The following AQP7B variants were observed in gnomAD, a reference collection of about 807,000 sequenced individuals.
AQP7B encodes putative aquaporin-7B.
At chr2:94,592,117 C>T in the AQP7B span, among the ~76,000 whole-genome samples, 3 of 152,128 alleles carry the variant, frequency 2.0e-5, no homozygotes, top group African/African-American at 7.2e-5. Context: ...CCAGGACTCT[C>T]TTGGTGTTCT....
chr2:94,604,335 G>A, the AQP7B span: 10 of 1,610,682 alleles, frequency 6.2e-6, no homozygotes, highest in Admixed American at 5.0e-5. Flanking sequence ...CCACTTCTGG[G>A]TGCCTCTCTA....
At chr2:94,593,561 C>T in the AQP7B span, among the ~76,000 whole-genome samples, 2 of 149,674 alleles carry the variant, frequency 1.3e-5, no homozygotes, top group African/African-American at 4.9e-5. Context: ...TCTCGGCTCA[C>T]TGCAACCTCC....
chr2:94,597,898 C>T, the AQP7B span, among the ~76,000 whole-genome samples: 6 of 152,130 alleles, frequency 3.9e-5, no homozygotes, highest in African/African-American at 1.4e-4. Flanking sequence ...AGTCACCGTG[C>T]CCAGCCCAAT....
the AQP7B span, among the ~76,000 whole-genome samples, chr2:94,589,358 G>A: frequency 1.3e-5 from 2 of 151,968 alleles, no homozygotes; most frequent in Non-Finnish European, 1.5e-5. Flanking sequence ...GTCCTCTGGT[G>A]ACTATTCCCT....
the AQP7B span, among the ~76,000 whole-genome samples, chr2:94,596,672 AT>A: frequency 6.6e-6 from 1 of 152,122 alleles, no homozygotes; most frequent in Non-Finnish European, 1.5e-5. Flanking sequence ...CTGTGCGACT[AT>A]CCACAAGTAT....
chr2:94,591,708 G>T, the AQP7B span, among the ~76,000 whole-genome samples: 1 of 152,122 alleles, frequency 6.6e-6, no homozygotes. Context: ...CTGCACATTG[G>T]ATACTGCCTT....
the AQP7B span, among the ~76,000 whole-genome samples, chr2:94,599,034 C>T: frequency 1.3e-5 from 2 of 152,148 alleles, no homozygotes; most frequent in African/African-American, 4.8e-5. Flanking sequence ...GAACTCCTGA[C>T]CTCATGATTG....
chr2:94,598,642 G>T, the AQP7B span, among the ~76,000 whole-genome samples: 1 of 152,168 alleles, frequency 6.6e-6, no homozygotes, highest in Admixed American at 6.5e-5. Context: ...GGCCAGTGTT[G>T]CCTGAGCTGC....
At chr2:94,598,484 GC>G in the AQP7B span, among the ~76,000 whole-genome samples, 2 of 152,292 alleles carry the variant, frequency 1.3e-5, no homozygotes, top group South Asian at 4.1e-4. Flanking sequence ...GAGACACGGG[GC>G]AAGGGTTGTA....
the AQP7B span, among the ~76,000 whole-genome samples, chr2:94,595,597 G>A: frequency 6.6e-6 from 1 of 152,094 alleles, no homozygotes; most frequent in African/African-American, 2.4e-5. Context: ...GGTGCAGTGT[G>A]GAGCATAAGC....
At chr2:94,602,560 C>G in the AQP7B span, 1 of 1,604,406 alleles carries the variant, frequency 6.2e-7, no homozygotes, top group South Asian at 1.1e-5. Flanking sequence ...TTGGTGTCAA[C>G]TTGGGTTTTG....
chr2:94,602,611 C>G, the AQP7B span: 8 of 1,594,514 alleles, frequency 5.0e-6, 1 homozygote, highest in South Asian at 7.7e-5. Flanking sequence ...CAGGCCGCAT[C>G]TCTGGTGAGT....
At chr2:94,599,237 C>T in the AQP7B span, among the ~76,000 whole-genome samples, 3 of 152,080 alleles carry the variant, frequency 2.0e-5, no homozygotes, top group Non-Finnish European at 4.4e-5. Flanking sequence ...CCTGTCCTGA[C>T]CTCACTCCCC....
chr2:94,600,666 T>C, the AQP7B span, among the ~76,000 whole-genome samples: 10 of 152,152 alleles, frequency 6.6e-5, no homozygotes, highest in Non-Finnish European at 1.2e-4. Flanking sequence ...TCATATGAGG[T>C]CAGGTGTTTG....
At chr2:94,602,364 A>T in the AQP7B span, 1 of 950,410 alleles carries the variant, frequency 1.1e-6, no homozygotes, top group African/African-American at 1.7e-5. Context: ...AGGGCGTGGC[A>T]GAGGGTCTTC....
chr2:94,590,107 A>G, the AQP7B span, among the ~76,000 whole-genome samples: 36 of 152,174 alleles, frequency 2.4e-4, no homozygotes, highest in African/African-American at 8.4e-4. Context: ...CTTCTATTAA[A>G]CAGAGTGACC....
the AQP7B span, among the ~76,000 whole-genome samples, chr2:94,591,286 C>A: frequency 1.3e-5 from 2 of 152,152 alleles, no homozygotes; most frequent in Non-Finnish European, 2.9e-5. Context: ...GCCTCCTTGT[C>A]CATTCTCCCA....
chr2:94,601,672 C>G, the AQP7B span, among the ~76,000 whole-genome samples: 188 of 152,164 alleles, frequency 1.2e-3, no homozygotes, highest in African/African-American at 4.1e-3. Flanking sequence ...AACCAGGAAC[C>G]CACAGCTGGA....
chr2:94,603,266 A>C, the AQP7B span: 1 of 1,394,280 alleles, frequency 7.2e-7, no homozygotes, highest in Non-Finnish European at 9.8e-7. Context: ...TTTGTAAAAA[A>C]TAGCTGGGAG....
Sources: gnomAD v4.1 joint callset for allele counts (sites outside exome capture counted in the v4.1 genomes callset) on GRCh38, gnomAD v4.1.1 for gene constraint, MANE v1.5 for transcripts, NCBI Gene and HGNC (gene_info 2026-07-23, HGNC 2026-07-21) for gene names.